The following PEMT variants were observed in gnomAD, a reference collection of about 807,000 sequenced individuals.
The protein encoded by PEMT is phosphatidylethanolamine N-methyltransferase, also known as phospholipid methyltransferase.
A neutral mutation model predicts 27.4 loss-of-function variants in PEMT; 23 were observed. That is an observed-to-expected ratio of 0.84 (90% CI 0.60 to 1.19). The LOEUF (loss-of-function observed/expected upper bound fraction) is 1.19. PEMT is among the 50% of genes most tolerant of loss of function. PEMT has a pLI of 0.00. For synonymous variants in PEMT, 137 were observed against 139.1 expected, an observed-to-expected ratio of 0.98 and a Z score of 0.11; for missense variants, 307 against 310.1, an observed-to-expected ratio of 0.99 and a Z score of 0.07.
At chr17:17,540,834 G>A (rs1908827522) in intron 2 of PEMT, among the ~76,000 whole-genome samples, 1 of 152,146 alleles carries the variant, frequency 6.6e-6, no homozygotes, top group Non-Finnish European at 1.5e-5. Flanking sequence ...GAGTGAATGG[G>A]CTCCCGAGTG....
rs935375177 is a variant in PEMT, at chr17:17,513,144, G to A, written c.321-490C>T. 5.9e-5 allele frequency among the ~76,000 whole-genome samples: 9 copies of A among 152,230 alleles called. No individual in the cohort carries two copies. The highest frequency in any genetic ancestry group is 2.2e-4 in the African/African-American group (9 of 41,454). On this transcript the variant is annotated intron_variant, in intron 3 of 6. Coordinates refer to ENST00000255389, the MANE Select transcript of PEMT (RefSeq NM_148172.3). This position sits in a 1 kb window ranked among gnomAD's most constrained non-coding sequence, Gnocchi z 4.1. The stretch of plus-strand genomic sequence containing the variant: ...TGCCCCGAGGCCTGGGGCATGCTCT[G>A]TGCTAGGGATTGCGCTTCCACAGCC...
chr17:17,591,996 T>C, upstream of PEMT: 1 of 985,202 alleles, frequency 1.0e-6, no homozygotes, highest in Non-Finnish European at 1.2e-6. Context: ...CTGGCGGCGG[T>C]GGGGCTAGAG....
chr17:17,556,874 C>T (rs1218102836), intron 2 of PEMT, among the ~76,000 whole-genome samples: 1 of 152,116 alleles, frequency 6.6e-6, no homozygotes, highest in Non-Finnish European at 1.5e-5. Flanking sequence ...TGTCGTGGCT[C>T]CCGCAGTGCT....
rs1262174310 is a variant in PEMT at position 17,523,885 on chromosome 17, A to G, written c.205-1490T>C. Among the ~76,000 whole-genome samples the G allele has an allele frequency of 6.6e-6, 1 of 152,096 alleles. No individual in the cohort carries two copies. Among genetic ancestry groups the G allele is most frequent in the Non-Finnish European group, 1.5e-5 (1 of 68,020 alleles). On this transcript the variant is annotated intron_variant, in intron 2 of 6. Coordinates refer to ENST00000255389, the MANE Select transcript of PEMT (RefSeq NM_148172.3). The surrounding 1 kb of genome is among the most constrained non-coding windows in gnomAD (Gnocchi z 4.8). ...CATCACCACGGTCTAAGTCCAGAAC[A>G]TTTCATCACCCCAAGTAGAAACCCC...
intron 2 of PEMT, among the ~76,000 whole-genome samples, chr17:17,572,024 G>A (rs887691315): frequency 6.6e-6 from 1 of 152,162 alleles, no homozygotes; most frequent in Non-Finnish European, 1.5e-5. Context: ...GGAGCCCAAG[G>A]ACATCCGTGT....
At chr17:17,511,752 T>G (rs1187839397) in intron 4 of PEMT, among the ~76,000 whole-genome samples, 1 of 152,082 alleles carries the variant, frequency 6.6e-6, no homozygotes, top group Non-Finnish European at 1.5e-5. Flanking sequence ...AGGGACTGCC[T>G]CCTTCTCTCC....
At chr17:17,547,528 C>G (rs578119841) in intron 2 of PEMT, among the ~76,000 whole-genome samples, 2 of 152,368 alleles carry the variant, frequency 1.3e-5, no homozygotes, top group East Asian at 3.9e-4. Flanking sequence ...AGACACCACA[C>G]AGAACACAGA....
At chr17:17,515,162 A>C (rs1050852089) in intron 3 of PEMT, among the ~76,000 whole-genome samples, 1 of 152,180 alleles carries the variant, frequency 6.6e-6, no homozygotes, top group Non-Finnish European at 1.5e-5. Flanking sequence ...GACCCGAGCC[A>C]GGCCTGGGTC....
intron 2 of PEMT, among the ~76,000 whole-genome samples, chr17:17,555,760 C>A (rs777269879): frequency 2.6e-5 from 4 of 152,198 alleles, no homozygotes; most frequent in Non-Finnish European, 4.4e-5. Context: ...GCCCTCCGAT[C>A]ACACAGAAGC....
intron 2 of PEMT, among the ~76,000 whole-genome samples, chr17:17,537,784 G>A (rs1908589756): frequency 6.6e-6 from 1 of 152,234 alleles, no homozygotes; most frequent in Non-Finnish European, 1.5e-5. Flanking sequence ...CCCGGGGAGG[G>A]AGATTTGAGA....
intron 1 of PEMT, among the ~76,000 whole-genome samples, chr17:17,585,606 G>C (rs1912202302): frequency 6.6e-6 from 1 of 152,166 alleles, no homozygotes; most frequent in South Asian, 2.1e-4. Context: ...TCTCAGAACT[G>C]TTTGTTTCAA....
intron 2 of PEMT, among the ~76,000 whole-genome samples, chr17:17,552,214 A>T (rs1162708493): frequency 6.6e-6 from 1 of 152,138 alleles, no homozygotes; most frequent in Non-Finnish European, 1.5e-5. Context: ...AGGGAGGCTG[A>T]GGCAGGAGAA....
At chr17:17,507,393 G>A (rs1905961837) in intron 5 of PEMT, 1 of 615,686 alleles carries the variant, frequency 1.6e-6, no homozygotes, top group East Asian at 2.7e-5. Context: ...ATCGAGGTGA[G>A]GGCTGGAGGA....
intron 1 of PEMT, among the ~76,000 whole-genome samples, chr17:17,580,176 T>C (rs1911892133): frequency 6.6e-6 from 1 of 152,124 alleles, no homozygotes; most frequent in South Asian, 2.1e-4. Flanking sequence ...ATCTTCAGCT[T>C]GATGATAACA....
chr17:17,538,045 C>A (rs4646392), intron 2 of PEMT, among the ~76,000 whole-genome samples: 73,628 of 151,726 alleles, frequency 0.49, 18,092 homozygotes, highest in Non-Finnish European at 0.54. Flanking sequence ...CCATGGCATG[C>A]CCGTCCTTGC....
At chr17:17,507,533 A>G (rs1905973707) in intron 5 of PEMT, 1 of 329,958 alleles carries the variant, frequency 3.0e-6, no homozygotes, top group Non-Finnish European at 5.6e-6. Context: ...CCCAGGCTCC[A>G]ACCCCAGGCC....
At chr17:17,518,464 G>T (rs1907012214) in intron 3 of PEMT, among the ~76,000 whole-genome samples, 1 of 152,210 alleles carries the variant, frequency 6.6e-6, no homozygotes, top group South Asian at 2.1e-4. Flanking sequence ...GAGCAAACAG[G>T]TCTGTGCTAA....
chr17:17,582,190 A>G lies in PEMT; in HGVS notation c.97-5163T>C. 7 of 858,676 alleles carry G rather than the reference A, an allele frequency of 8.2e-6. No homozygotes were observed. Among genetic ancestry groups the G allele is most frequent in the Non-Finnish European group, 9.8e-6 (7 of 714,332 alleles). 53.2% of individuals were successfully genotyped at this position (858,676 alleles called of 1,614,324 possible). ...GGTCCCGGCTTTCTGCTACCCAGTA[A>G]TTCTAATGGAACCCCCACTCCAAGG... On this transcript the variant is annotated intron_variant, in intron 1 of 6. Transcript: ENST00000255389. The surrounding 1 kb of genome is among the most constrained non-coding windows in gnomAD (Gnocchi z 4.9).
intron 1 of PEMT, among the ~76,000 whole-genome samples, chr17:17,588,987 T>C (rs1217622766): frequency 6.6e-6 from 1 of 152,226 alleles, no homozygotes; most frequent in African/African-American, 2.4e-5. Flanking sequence ...TGAGACAGAG[T>C]TTCGCTCTTC....
Sources: allele counts gnomAD v4.1 joint callset (sites outside exome capture counted in the v4.1 genomes callset), GRCh38; gene constraint gnomAD v4.1.1; non-coding constraint Gnocchi (gnomAD v3.1); transcripts MANE v1.5; gene names NCBI Gene and HGNC (gene_info 2026-07-23, HGNC 2026-07-21).